The following ATP5MK variants were observed in gnomAD, a reference collection of about 807,000 sequenced individuals.
The protein encoded by ATP5MK is ATP synthase membrane subunit k, also known as ATP synthase F(0) complex subunit k, mitochondrial.
Under a neutral mutation model 6.6 loss-of-function variants are expected in ATP5MK, and 5 were observed. The observed-to-expected ratio is 0.76, with a 90% confidence interval of 0.40 to 1.60. The LOEUF (loss-of-function observed/expected upper bound fraction) is 1.60. Among genes scored for constraint, ATP5MK ranks in the 40% most tolerant of loss-of-function variants. The pLI, the probability that ATP5MK is intolerant of heterozygous loss-of-function variation, is 0.02. For missense variants in ATP5MK, 57 were observed against 66.6 expected (o/e 0.86, Z 0.50); for synonymous variants, 30 against 24.5 (o/e 1.22, Z -0.66).
chr10:103,394,738 T>C (rs2093425195), intron 2 of ATP5MK, among the ~76,000 whole-genome samples: 2 of 147,832 alleles, frequency 1.4e-5, no homozygotes, highest in Admixed American at 1.4e-4. Context: ...AAAGACATAC[T>C]TCCCCCCGCC....
chr10:103,392,079 G>A, intron 4 of ATP5MK, 112 bp downstream of exon 4: 1 of 891,276 alleles, frequency 1.1e-6, no homozygotes, highest in East Asian at 2.7e-5. Context: ...TTTTTTTCTT[G>A]TATGCTATAA....
chr10:103,391,020 T>C (rs2093413013), intron 4 of ATP5MK, among the ~76,000 whole-genome samples: 1 of 152,240 alleles, frequency 6.6e-6, no homozygotes, highest in African/African-American at 2.4e-5. Context: ...AAAGGTTGGT[T>C]AATGATTACA....
In ATP5MK at chr10:103,393,453, G is replaced by A. The variant is rs574629852; in HGVS notation, c.-9-987C>T. Among the ~76,000 whole-genome samples, 261 of 152,002 alleles carry A rather than the reference G, an allele frequency of 1.7e-3. 1 individual carries two copies. The highest frequency in any genetic ancestry group is 5.6e-3 in the African/African-American group (234 of 41,476). ...AAATTAGCCGGGCGTGGTGGTGGGC[G>A]CCTGTAGTCCCAGCTACTCGGGAGG... On this transcript the variant is annotated intron_variant, in intron 2 of 4. Coordinates refer to ENST00000369815, the MANE Select transcript of ATP5MK (RefSeq NM_001206427.2).
intron 4 of ATP5MK, among the ~76,000 whole-genome samples, chr10:103,391,505 T>C (rs2093414336): frequency 6.6e-6 from 1 of 152,154 alleles, no homozygotes; most frequent in Admixed American, 6.5e-5. Context: ...ATGGGCAATA[T>C]TTTTCTTGCT....
At chr10:103,391,447 G>A (rs1195612855) in intron 4 of ATP5MK, among the ~76,000 whole-genome samples, 5 of 152,062 alleles carry the variant, frequency 3.3e-5, no homozygotes, top group Non-Finnish European at 7.4e-5. Flanking sequence ...CATAGTCACT[G>A]GAAACCAAAC....
rs2093431850 is a variant in ATP5MK at position 103,395,854 on chromosome 10, A to C, written c.-118T>G. On this transcript the variant is annotated 5_prime_UTR_variant, in exon 2 of 5. Coordinates refer to ENST00000369815, the MANE Select transcript of ATP5MK (RefSeq NM_001206427.2). ...GAGTTTACAGCTCTCTGTTCTGGTT[A>C]CCTCCTAGGAAAGGCCTTCCCACTG... The C allele has an allele frequency of 6.6e-6, 1 of 152,106 alleles. No individual in the cohort carries two copies. Among genetic ancestry groups the C allele is most frequent in the Non-Finnish European group, 1.5e-5 (1 of 67,986 alleles). The allele number at this position is 152,106 out of a possible 1,614,324, so 9.4% of individuals were successfully genotyped here. A position where few individuals can be genotyped will look rare whatever the true frequency, so the allele number is the denominator to read the frequency against.
chr10:103,393,396 C>T (rs1391621011), intron 2 of ATP5MK, among the ~76,000 whole-genome samples: 5 of 151,754 alleles, frequency 3.3e-5, no homozygotes, highest in South Asian at 2.1e-4. Flanking sequence ...CTGGCTAACA[C>T]GGTGAAACCC....
rs1477069628 is a variant in ATP5MK at position 103,389,149 on chromosome 10, C to G, written c.*21G>C. 6.6e-6 allele frequency: 1 copy of G among 152,458 alleles called. No homozygotes were observed. Among genetic ancestry groups the G allele is most frequent in the Admixed American group, 6.6e-5 (1 of 15,254 alleles). The allele number at this position is 152,458 out of a possible 1,614,324, so 9.4% of individuals were successfully genotyped here. The stretch of plus-strand genomic sequence containing the variant: ...GAACTTAACAGATGAGGTTAAGAAC[C>G]GTAGACAGTTTAAAATCCTATAAAC... On this transcript the variant is annotated 3_prime_UTR_variant, in exon 5 of 5. Transcript: ENST00000369815.
rs765361890 is a variant in ATP5MK at position 103,392,444 on chromosome 10, T to C, written c.14A>G (p.Glu5Gly). The C allele has an allele frequency of 3.1e-6, 5 of 1,601,178 alleles. No homozygotes were observed. In the South Asian group the frequency reaches 5.7e-5, roughly 18 times the overall value. MAGP[E>G]SDAQYQFTGI... ...AGTGAACTGGTATTGCGCATCACTT[T>C]CTGGACCTGCCATGATTTCAATCTT... Residue 5 changes from glutamate (E) to glycine (G), a missense_variant, in exon 3 of 5, where the codon GAA becomes GGA. Physicochemically the swap from Glu to Gly is moderately conservative, Grantham distance 98. Transcript: ENST00000369815.
chr10:103,395,218 A>C (rs777597556), intron 2 of ATP5MK, among the ~76,000 whole-genome samples: 13 of 152,320 alleles, frequency 8.5e-5, no homozygotes, highest in Middle Eastern at 3.4e-3. Context: ...AAGATAAAGG[A>C]ACCCTTGTGT....
At chr10:103,394,355 C>T (rs763490878) in intron 2 of ATP5MK, 22 of 531,210 alleles carry the variant, frequency 4.1e-5, no homozygotes, top group Non-Finnish European at 3.5e-5. Flanking sequence ...GGTCGAGGTC[C>T]GGTCGAGATT....
intron 4 of ATP5MK, among the ~76,000 whole-genome samples, chr10:103,389,528 G>C (rs1402254348): frequency 1.3e-5 from 2 of 151,856 alleles, no homozygotes; most frequent in African/African-American, 4.8e-5. Context: ...TCACCATGTT[G>C]GTCAGGCTGG....
intron 4 of ATP5MK, among the ~76,000 whole-genome samples, chr10:103,389,402 A>G (rs997994345): frequency 6.6e-5 from 10 of 152,066 alleles, no homozygotes; most frequent in Admixed American, 6.6e-4. Flanking sequence ...GGCTCACTGC[A>G]ACCTCCGCGT....
In ATP5MK at chr10:103,391,146, A is replaced by G. The variant is rs538012672; in HGVS notation, c.*3+1045T>C. On this transcript the variant is annotated intron_variant, in intron 4 of 4. Transcript: ENST00000369815. ...ACATGCCCTTCAAAAAGCAAAAAACACAATTTTTTTTACTCATCAAATTAG... is the reference window on the plus strand; with the variant it reads ...ACATGCCCTTCAAAAAGCAAAAAACGCAATTTTTTTTACTCATCAAATTAG... 1.5e-3 allele frequency among the ~76,000 whole-genome samples: 227 copies of G among 152,340 alleles called. No individual in the cohort carries two copies. In the Middle Eastern group the frequency reaches 0.017, roughly 11 times the overall value.
At chr10:103,393,579 CAAAAAA>C (rs959240621) in intron 2 of ATP5MK, among the ~76,000 whole-genome samples, 1 of 111,994 alleles carries the variant, frequency 8.9e-6, no homozygotes, top group Non-Finnish European at 1.9e-5. Flanking sequence ...GACGCCGTCT[CAAAAAA>C]AAAAAAAATA....
chr10:103,389,514 G>T (rs1564748241), intron 4 of ATP5MK, among the ~76,000 whole-genome samples: 1 of 151,704 alleles, frequency 6.6e-6, no homozygotes, highest in Non-Finnish European at 1.5e-5. Context: ...GTAGAGACAG[G>T]GTTTCACCAT....
chr10:103,390,846 G>T (rs890581547), intron 4 of ATP5MK, among the ~76,000 whole-genome samples: 1 of 152,106 alleles, frequency 6.6e-6, no homozygotes. Context: ...TGGCATTTGG[G>T]CTTTCCACAT....
chr10:103,392,381 C>A lies in ATP5MK; in HGVS notation c.77G>T (p.Gly26Val), dbSNP rs922141558. The A allele has an allele frequency of 2.5e-6, 4 of 1,605,522 alleles. No individual in the cohort carries two copies. Among genetic ancestry groups the A allele is most frequent in the Admixed American group, 1.7e-5 (1 of 58,374 alleles). ...KKYFNSYTLTGRMNCVLATYG... is the reference protein window; with the variant it reads ...KKYFNSYTLTVRMNCVLATYG... ...GTTATCAATACTTACGTTCATTCTACCTGTGAGAGTATAAGAGTTGAAATA... is the reference window on the plus strand; with the variant it reads ...GTTATCAATACTTACGTTCATTCTAACTGTGAGAGTATAAGAGTTGAAATA... The change falls in exon 3 of 5, where the codon GGT (glycine) becomes GTT (valine). Residue 26 changes from glycine (G) to valine (V), a missense_variant. Coordinates refer to ENST00000369815, the MANE Select transcript of ATP5MK (RefSeq NM_001206427.2).
intron 2 of ATP5MK, chr10:103,394,542 A>G: frequency 3.0e-6 from 1 of 335,910 alleles, no homozygotes; most frequent in Non-Finnish European, 6.2e-6. Flanking sequence ...TCAAGTTTCA[A>G]GAAGGTTCTT....
Sources: gnomAD v4.1 joint callset for allele counts (sites outside exome capture counted in the v4.1 genomes callset) on GRCh38, gnomAD v4.1.1 for gene constraint, MANE v1.5 for transcripts, NCBI Gene and HGNC (gene_info 2026-07-23, HGNC 2026-07-21) for gene names.